The following DSG3 variants were observed in gnomAD, a reference collection of about 807,000 sequenced individuals.
DSG3 encodes desmoglein 3.
DSG3 carries 63 observed loss-of-function variants against 85.9 expected under a neutral mutation model. The observed-to-expected ratio is 0.73, with a 90% CI of 0.60 to 0.90. DSG3 has a LOEUF of 0.90. Among genes scored for constraint, DSG3 ranks in the 40% least tolerant of loss-of-function variants. The pLI, the probability that DSG3 is intolerant of heterozygous loss-of-function variation, is 0.00. For synonymous variants in DSG3, 447 were observed against 441.9 expected (o/e 1.01, Z -0.14); for missense variants, 1,220 against 1,219.9 (o/e 1.00, Z 0.00).
rs35721182 is a variant in DSG3 at position 31,476,965 on chromosome 18, CA to C, written c.*724del. 2,335 of 90,810 alleles carry C rather than the reference CA, an allele frequency of 0.026. 37 individuals carry two copies. Among genetic ancestry groups the C allele is most frequent in the African/African-American group, 0.084 (2,017 of 24,066 alleles). 5.6% of individuals were successfully genotyped at this position (90,810 alleles called of 1,614,324 possible). A position where few individuals can be genotyped will look rare whatever the true frequency, so the allele number is the denominator to read the frequency against. On this transcript the variant is annotated 3_prime_UTR_variant, in exon 16 of 16. Coordinates refer to ENST00000257189, the MANE Select transcript of DSG3 (RefSeq NM_001944.3). ...TGGGCGACAGAGCGAGACTCCGTCT[CA>C]AAAAAAAAAAAAAAAAAAGAATCAC...
intron 12 of DSG3, among the ~76,000 whole-genome samples, chr18:31,469,878 A>C (rs957355077): frequency 6.7e-6 from 1 of 149,972 alleles, no homozygotes; most frequent in African/African-American, 2.5e-5. Context: ...TATTAATATC[A>C]TATGCTATTA....
Position 31,472,388 on chromosome 18 carries a change from C to T in DSG3, c.2002C>T (p.Gln668Ter). The T allele has an allele frequency of 6.2e-7, 1 of 1,614,024 alleles. No individual in the cohort carries two copies. Among genetic ancestry groups the T allele is most frequent in the Non-Finnish European group, 8.5e-7 (1 of 1,179,998 alleles). The change falls in exon 13 of 16, where the codon CAG becomes TAG. Residue 668 changes from glutamine to a stop codon, truncating the protein, a stop_gained. Transcript: ENST00000257189. LOFTEE classifies it high-confidence loss of function. ...TGATGGCTCAGAAGGAACAATTCAT[C>T]AGTGGGGAATTGAAGGAGCCCATCC... ...VPDGSEGTIH[Q>*]WGIEGAHPED...
intron 3 of DSG3, 98 bp downstream of exon 3, chr18:31,457,222 G>A (rs2072747925): frequency 1.6e-6 from 2 of 1,255,362 alleles, no homozygotes; most frequent in African/African-American, 1.5e-5. Context: ...ATGAAGACTG[G>A]GGAGTCCACA....
intron 14 of DSG3, 118 bp from the exon 15 acceptor site, chr18:31,474,003 T>C: frequency 2.1e-6 from 2 of 934,060 alleles, no homozygotes; most frequent in South Asian, 1.7e-5. Context: ...CATATAATTG[T>C]ATTTTCTCCC....
rs1319605859 is a variant in DSG3 at position 31,476,541 on chromosome 18, C to G, written c.*281C>G. ...GGAAATTTTCCTAAACATTCTTAAG[C>G]TTCTATTTTTCCCCTGCCAAAGGAA... On this transcript the variant is annotated 3_prime_UTR_variant, in exon 16 of 16. Transcript: ENST00000257189. 3 of 315,712 alleles carry G rather than the reference C, an allele frequency of 9.5e-6. No homozygotes were observed. Among genetic ancestry groups the G allele is most frequent in the Non-Finnish European group, 1.7e-5 (3 of 173,966 alleles). 19.6% of individuals were successfully genotyped at this position (315,712 alleles called of 1,614,324 possible). A position where few individuals can be genotyped will look rare whatever the true frequency, so the allele number is the denominator to read the frequency against.
intron 1 of DSG3, among the ~76,000 whole-genome samples, chr18:31,454,435 C>T (rs1207971021): frequency 6.6e-6 from 1 of 152,142 alleles, no homozygotes; most frequent in Non-Finnish European, 1.5e-5. Flanking sequence ...TGGTTCTTTT[C>T]CATGACAAAT....
intron 9 of DSG3, among the ~76,000 whole-genome samples, chr18:31,464,738 A>G (rs186199403): frequency 3.9e-5 from 6 of 152,300 alleles, no homozygotes; most frequent in African/African-American, 1.2e-4. Context: ...TTACAAAGAC[A>G]TATATGCCTA....
chr18:31,454,111 G>C (rs1209904982), intron 1 of DSG3, among the ~76,000 whole-genome samples: 1 of 152,154 alleles, frequency 6.6e-6, no homozygotes. Flanking sequence ...GCAATATTCA[G>C]AAATGTTTCC....
intron 9 of DSG3, among the ~76,000 whole-genome samples, chr18:31,465,117 C>T (rs916296989): frequency 1.2e-4 from 17 of 146,068 alleles, no homozygotes; most frequent in Non-Finnish European, 1.3e-4. Flanking sequence ...AAGAGCGAAA[C>T]TCCGTCTCAA....
chr18:31,466,821 A>C, intron 11 of DSG3, 67 bp downstream of exon 11: 1 of 1,392,566 alleles, frequency 7.2e-7, no homozygotes, highest in African/African-American at 1.4e-5. Flanking sequence ...AGAATAAGGA[A>C]GATCATTTAA....
At chr18:31,457,585 CTTCTTTCTTTCTTTCTTTCTTTCTTTCT>C (rs11369657) in intron 3 of DSG3, among the ~76,000 whole-genome samples, 84 of 61,206 alleles carry the variant, frequency 1.4e-3, no homozygotes, top group African/African-American at 5.2e-3. Flanking sequence ...TTCTTTCTTT[CTTCTTTCTTTCTTTCTTTCTTTCTTTCT>C]TTCTTTCTTT....
At chr18:31,468,016 G>A (rs2072832591) in intron 11 of DSG3, among the ~76,000 whole-genome samples, 1 of 152,252 alleles carries the variant, frequency 6.6e-6, no homozygotes, top group Non-Finnish European at 1.5e-5. Context: ...CTGCCCAGGT[G>A]TGGCTGGGCA....
At chr18:31,456,388 T>C in intron 1 of DSG3, 52 bp from the exon 2 acceptor site, 1 of 1,107,132 alleles carries the variant, frequency 9.0e-7, no homozygotes, top group South Asian at 3.1e-5. Flanking sequence ...TTGTATATAA[T>C]TCCTTATTTG....
In DSG3 at chr18:31,464,160, A is replaced by G. The variant is rs1455272783; in HGVS notation, c.1049A>G (p.Lys350Arg). The change falls in exon 9 of 16, where the codon AAA becomes AGA. Residue 350 changes from lysine (K) to arginine (R), a missense_variant. Transcript: ENST00000257189. ...AGCGTGAAACTTAGTATTGCTGTCA[A>G]AAACAAAGCTGAATTTCACCAATCA... ...LQSVKLSIAV[K>R]NKAEFHQSVI... The G allele has an allele frequency of 6.2e-7, 1 of 1,614,190 alleles. No individual in the cohort carries two copies. Among genetic ancestry groups the G allele is most frequent in the East Asian group, 2.2e-5 (1 of 44,874 alleles).
intron 12 of DSG3, among the ~76,000 whole-genome samples, chr18:31,470,820 G>T (rs2072850938): frequency 6.6e-6 from 1 of 152,186 alleles, no homozygotes; most frequent in Non-Finnish European, 1.5e-5. Flanking sequence ...AAAACACTTA[G>T]TATTTTCTGT....
rs2072895930 is a variant in DSG3, at chr18:31,477,436, CT to C, written c.*1182del. ...ATTTTGTAGGAATACAAAACATGGC[CT>C]TTTTTATAAGCAAAACGGGCCAATG... On this transcript the variant is annotated 3_prime_UTR_variant, in exon 16 of 16. Transcript: ENST00000257189. 1 of 152,050 alleles carries C rather than the reference CT, an allele frequency of 6.6e-6. No homozygotes were observed. The highest frequency in any genetic ancestry group is 2.4e-5 in the African/African-American group (1 of 41,398). 9.4% of individuals were successfully genotyped at this position (152,050 alleles called of 1,614,324 possible).
At position 31,465,363 on chromosome 18, in the gene DSG3, A is replaced by C; in HGVS notation, c.1317A>C (p.Ser439=). Residue 439 remains serine, a synonymous_variant, in exon 10 of 16, where the codon TCA becomes TCC. Coordinates refer to ENST00000257189, the MANE Select transcript of DSG3 (RefSeq NM_001944.3). ...RNDGGYLMID[S]KTAEIKFVKN... ...ATGGTGGATACCTAATGATTGATTCAAAAACTGCTGAAATCAAATTTGTCA... is the reference window on the plus strand; with the variant it reads ...ATGGTGGATACCTAATGATTGATTCCAAAACTGCTGAAATCAAATTTGTCA... The C allele has an allele frequency of 1.3e-6, 2 of 1,542,466 alleles. No homozygotes were observed. Among genetic ancestry groups the C allele is most frequent in the Middle Eastern group, 1.7e-4 (1 of 5,840 alleles).
chr18:31,462,443 T>C (rs1444051780), intron 8 of DSG3, among the ~76,000 whole-genome samples: 1 of 152,156 alleles, frequency 6.6e-6, no homozygotes, highest in Non-Finnish European at 1.5e-5. Flanking sequence ...TGACAGACCA[T>C]ATAATCCTTT....
chr18:31,464,953 A>C (rs1002023707), intron 9 of DSG3, among the ~76,000 whole-genome samples: 4 of 151,858 alleles, frequency 2.6e-5, no homozygotes, highest in African/African-American at 9.6e-5. Flanking sequence ...CCTGACCAAC[A>C]TGAAGAAACC....
Sources: allele counts gnomAD v4.1 joint callset (sites outside exome capture counted in the v4.1 genomes callset), GRCh38; gene constraint gnomAD v4.1.1; transcripts MANE v1.5; gene names NCBI Gene and HGNC (gene_info 2026-07-23, HGNC 2026-07-21).